The following TENM2 variants were observed in gnomAD, a reference collection of about 807,000 sequenced individuals.
TENM2 encodes teneurin-2.
A neutral mutation model predicts 245.2 loss-of-function variants in TENM2; 52 were observed. That is an observed-to-expected ratio of 0.21 (90% CI 0.17 to 0.27). The LOEUF (loss-of-function observed/expected upper bound fraction) is 0.27, where lower values mean the gene tolerates loss of function less well. Ranked by LOEUF, TENM2 falls within the 10% of genes least tolerant of loss-of-function variation. The pLI is 1.00. For missense variants in TENM2, 3,046 were observed against 3,666.8 expected (o/e 0.83, Z 4.37); for synonymous variants, 1,363 against 1,438.9 (o/e 0.95, Z 1.19).
Position 168,219,100 on chromosome 5 carries a change from T to C in TENM2, c.5108+101T>C, listed in dbSNP as rs375458716. 1.3e-5 allele frequency: 16 copies of C among 1,218,020 alleles called. No homozygotes were observed. The African/African-American group carries it at 2.3e-4, about 17-fold the overall frequency. 75.5% of individuals were successfully genotyped at this position (1,218,020 alleles called of 1,614,324 possible). A position where few individuals can be genotyped will look rare whatever the true frequency, so the allele number is the denominator to read the frequency against. On this transcript the variant is annotated intron_variant, in intron 23 of 28. Coordinates refer to ENST00000518659, the Ensembl canonical transcript of TENM2. ...AGCTTTTTAAATTGCTTTGTCACGT[T>C]GTCTTTCTAACTTTAATGATGTCTT...
At chr5:167,083,598 A>C in the TENM2 span, among the ~76,000 whole-genome samples, 19 of 152,096 alleles carry the variant, frequency 1.2e-4, no homozygotes, top group African/African-American at 4.6e-4. Flanking sequence ...TGCTTGGGAG[A>C]CCTGCCACTG....
intron 2 of TENM2, among the ~76,000 whole-genome samples, chr5:167,645,378 C>T (rs530192310): frequency 1.3e-4 from 19 of 151,964 alleles, no homozygotes; most frequent in Non-Finnish European, 1.5e-4. Flanking sequence ...AATGTTCAAA[C>T]GCAAAGGAAG....
intron 5 of TENM2, among the ~76,000 whole-genome samples, chr5:168,030,168 T>TTTTTTTTTC (rs1786997670): frequency 1.2e-5 from 1 of 84,626 alleles, no homozygotes; most frequent in African/African-American, 4.1e-5. Flanking sequence ...CTTTTTTTTT[T>TTTTTTTTTC]TTTTTTTTTT....
intron 23 of TENM2, among the ~76,000 whole-genome samples, chr5:168,225,391 T>C (rs1460681360): frequency 6.6e-6 from 1 of 152,120 alleles, no homozygotes; most frequent in Non-Finnish European, 1.5e-5. Context: ...GTGTGGTTTG[T>C]TCAGCAGGGA....
intron 2 of TENM2, among the ~76,000 whole-genome samples, chr5:167,426,544 T>C (rs1429734484): frequency 1.7e-5 from 1 of 58,290 alleles, no homozygotes; most frequent in Non-Finnish European, 3.3e-5. Context: ...ACCTTGCCTT[T>C]ACAAAAAAAA....
chr5:168,158,850 T>TATATATACACACAC (rs1339051385), intron 12 of TENM2, among the ~76,000 whole-genome samples: 9 of 62,326 alleles, frequency 1.4e-4, no homozygotes, highest in Non-Finnish European at 2.2e-4. Flanking sequence ...TATATATATA[T>TATATATACACACAC]ACACACACAC....
intron 2 of TENM2, among the ~76,000 whole-genome samples, chr5:167,874,076 C>T (rs1304421238): frequency 6.6e-6 from 1 of 152,170 alleles, no homozygotes; most frequent in Non-Finnish European, 1.5e-5. Flanking sequence ...GACGTTTGCT[C>T]AGGTATCACC....
the TENM2 span, among the ~76,000 whole-genome samples, chr5:167,021,218 T>G: frequency 6.6e-6 from 1 of 152,176 alleles, no homozygotes; most frequent in Non-Finnish European, 1.5e-5. Context: ...TTATAACCTT[T>G]CACATAAAAT....
chr5:167,734,201 A>G (rs1040952078), intron 2 of TENM2, among the ~76,000 whole-genome samples: 1 of 152,138 alleles, frequency 6.6e-6, no homozygotes, highest in South Asian at 2.1e-4. Flanking sequence ...AATAGTATCC[A>G]TGGCCCTTTG....
exon 27 of TENM2, chr5:168,248,260 G>C (rs1224907195): frequency 3.7e-6 from 6 of 1,614,002 alleles, no homozygotes; most frequent in Non-Finnish European, 5.1e-6. Flanking sequence ...GACCTCCCCA[G>C]ACTATACCAT....
intron 2 of TENM2, among the ~76,000 whole-genome samples, chr5:167,604,727 A>G (rs2127735818): frequency 6.6e-6 from 1 of 152,310 alleles, no homozygotes; most frequent in Non-Finnish European, 1.5e-5. Flanking sequence ...ATGTGCAGTG[A>G]CCCAGGTCTT....
chr5:167,313,569 G>C (rs1180306064), intron 1 of TENM2, among the ~76,000 whole-genome samples: 1 of 152,110 alleles, frequency 6.6e-6, no homozygotes, highest in African/African-American at 2.4e-5. Context: ...CCAGGGAGAT[G>C]GACCAAATGT....
chr5:167,748,295 AC>A (rs1365245641), intron 2 of TENM2, among the ~76,000 whole-genome samples: 4 of 152,148 alleles, frequency 2.6e-5, no homozygotes, highest in Admixed American at 2.0e-4. Flanking sequence ...AGTTTCATTG[AC>A]CCATATTAAA....
chr5:167,498,944 C>T (rs1768997598), intron 2 of TENM2, among the ~76,000 whole-genome samples: 1 of 152,032 alleles, frequency 6.6e-6, no homozygotes. Flanking sequence ...AGGTTAAGAA[C>T]TGCATTTACA....
intron 9 of TENM2, among the ~76,000 whole-genome samples, chr5:168,110,035 C>G (rs1196981656): frequency 6.9e-6 from 1 of 144,496 alleles, no homozygotes; most frequent in African/African-American, 2.6e-5. Context: ...GATTAAGAAC[C>G]CTTCTTTTTT....
At chr5:167,521,866 A>G (rs1770776702) in intron 2 of TENM2, among the ~76,000 whole-genome samples, 1 of 152,120 alleles carries the variant, frequency 6.6e-6, no homozygotes. Context: ...TTTAGAAATA[A>G]AATTTAATTA....
At chr5:167,939,710 C>T (rs1382076736) in intron 3 of TENM2, among the ~76,000 whole-genome samples, 13 of 152,168 alleles carry the variant, frequency 8.5e-5, no homozygotes, top group Admixed American at 7.9e-4. Flanking sequence ...CTGAAAGAAG[C>T]GGAATTCCAT....
At chr5:167,629,954 G>A (rs1357136400) in intron 2 of TENM2, among the ~76,000 whole-genome samples, 4 of 152,054 alleles carry the variant, frequency 2.6e-5, no homozygotes, top group East Asian at 3.9e-4. Flanking sequence ...GAACAATGCT[G>A]TGGGAAATCC....
chr5:168,098,530 G>T (rs557870315), intron 9 of TENM2, among the ~76,000 whole-genome samples: 1 of 152,062 alleles, frequency 6.6e-6, no homozygotes, highest in African/African-American at 2.4e-5. Flanking sequence ...TCTAGGAAGC[G>T]CTATTTATCT....
Sources: allele counts gnomAD v4.1 joint callset (sites outside exome capture counted in the v4.1 genomes callset), GRCh38; gene constraint gnomAD v4.1.1; transcripts MANE v1.5; gene names NCBI Gene and HGNC (gene_info 2026-07-23, HGNC 2026-07-21).